Variants in CYP39A1 observed in about 807,000 individuals in gnomAD.
CYP39A1 encodes the protein 24-hydroxycholesterol 7-alpha-hydroxylase.
A neutral mutation model predicts 58.1 loss-of-function variants in CYP39A1; 49 were observed. That is an observed-to-expected ratio of 0.84 (90% CI 0.67 to 1.07). The LOEUF (loss-of-function observed/expected upper bound fraction) is 1.07, where lower values mean the gene tolerates loss of function less well. Ranked by LOEUF, CYP39A1 falls within the 50% of genes least tolerant of loss-of-function variation. CYP39A1 has a pLI of 0.00. For missense variants in CYP39A1, 531 were observed against 539.4 expected (o/e 0.98, Z 0.16); for synonymous variants, 209 against 187.6 (o/e 1.11, Z -0.93).
At chr6:46,577,853 C>CA in intron 10 of CYP39A1, among the ~76,000 whole-genome samples, 1 of 152,116 alleles carries the variant, frequency 6.6e-6, no homozygotes, top group Non-Finnish European at 1.5e-5. Flanking sequence ...AACACACTGA[C>CA]AGTGTCAGAC....
chr6:46,630,672 A>C (rs534210029), intron 6 of CYP39A1, among the ~76,000 whole-genome samples: 1 of 152,302 alleles, frequency 6.6e-6, no homozygotes, highest in Admixed American at 6.5e-5. Flanking sequence ...TGTTCCATAA[A>C]CAGATGTTGT....
intron 7 of CYP39A1, among the ~76,000 whole-genome samples, chr6:46,616,623 A>G (rs2150559851): frequency 6.6e-6 from 1 of 152,260 alleles, no homozygotes; most frequent in East Asian, 1.9e-4. Flanking sequence ...GAATGTAAGC[A>G]CCAAGAAAAA....
chr6:46,581,833 C>T (rs988405411), intron 10 of CYP39A1, among the ~76,000 whole-genome samples: 5 of 152,192 alleles, frequency 3.3e-5, no homozygotes, highest in African/African-American at 1.2e-4. Flanking sequence ...TTCTGTTCTT[C>T]TGTTCTTGAC....
At chr6:46,550,862 C>T (rs1012261886) in intron 11 of CYP39A1, among the ~76,000 whole-genome samples, 3 of 152,090 alleles carry the variant, frequency 2.0e-5, no homozygotes, top group Non-Finnish European at 2.9e-5. Context: ...CCACTTATAG[C>T]GTATTCATGA....
At chr6:46,635,493 C>A (rs905966697) in intron 5 of CYP39A1, among the ~76,000 whole-genome samples, 3 of 152,190 alleles carry the variant, frequency 2.0e-5, no homozygotes, top group African/African-American at 7.2e-5. Flanking sequence ...CATTAGCAAG[C>A]ATCTGAACCA....
chr6:46,583,341 T>C lies in CYP39A1; in HGVS notation c.1250+3736A>G, dbSNP rs572395613. 8.2e-5 allele frequency: 81 copies of C among 985,406 alleles called. 1 individual carries two copies. In the South Asian group the frequency reaches 3.4e-3, roughly 42 times the overall value. The allele number at this position is 985,406 out of a possible 1,614,324, so 61.0% of individuals were successfully genotyped here. A position where few individuals can be genotyped will look rare whatever the true frequency, so the allele number is the denominator to read the frequency against. ...GAATTAGAACCAAGGAAAATCAAGC[T>C]TGTTGGTTTTGGTGTGTGTTCCAGG... On this transcript the variant is annotated intron_variant, in intron 10 of 11. Coordinates refer to ENST00000275016, the MANE Select transcript of CYP39A1 (RefSeq NM_016593.5).
intron 10 of CYP39A1, among the ~76,000 whole-genome samples, chr6:46,570,267 A>AT (rs974390886): frequency 1.3e-5 from 2 of 152,036 alleles, no homozygotes; most frequent in African/African-American, 4.8e-5. Context: ...TCAAGACTTA[A>AT]TTTTTTAACT....
intron 2 of CYP39A1, among the ~76,000 whole-genome samples, chr6:46,641,723 T>C (rs1182079381): frequency 6.6e-6 from 1 of 152,162 alleles, no homozygotes; most frequent in East Asian, 1.9e-4. Context: ...AACAGCCCTA[T>C]AAAATTTGTC....
At chr6:46,650,357 T>C (rs1762601400) in intron 1 of CYP39A1, among the ~76,000 whole-genome samples, 2 of 137,936 alleles carry the variant, frequency 1.4e-5, no homozygotes, top group Admixed American at 1.5e-4. Context: ...GAATCTCCCC[T>C]GGCACCAAAG....
At chr6:46,599,445 A>AG (rs1259200823) in intron 7 of CYP39A1, among the ~76,000 whole-genome samples, 5 of 152,138 alleles carry the variant, frequency 3.3e-5, no homozygotes, top group African/African-American at 1.2e-4. Context: ...GCAAGTGACT[A>AG]GGTCAATCAA....
intron 10 of CYP39A1, among the ~76,000 whole-genome samples, chr6:46,554,795 T>C (rs1002645199): frequency 3.3e-5 from 5 of 152,110 alleles, no homozygotes; most frequent in Non-Finnish European, 7.4e-5. Flanking sequence ...CCATATCCAA[T>C]TAGGCACCAA....
chr6:46,589,664 T>C (rs1055065551), intron 8 of CYP39A1, among the ~76,000 whole-genome samples: 1 of 151,988 alleles, frequency 6.6e-6, no homozygotes, highest in Non-Finnish European at 1.5e-5. Flanking sequence ...TTCTATCATT[T>C]TAAAATAGAG....
chr6:46,556,194 C>A (rs1467356400), intron 10 of CYP39A1, among the ~76,000 whole-genome samples: 1 of 152,184 alleles, frequency 6.6e-6, no homozygotes, highest in African/African-American at 2.4e-5. Context: ...GGACAAAGAT[C>A]TCCAGAGGAA....
chr6:46,556,834 A>G (rs1210516143), intron 10 of CYP39A1, among the ~76,000 whole-genome samples: 1 of 152,190 alleles, frequency 6.6e-6, no homozygotes, highest in African/African-American at 2.4e-5. Flanking sequence ...CTTGCCATCT[A>G]TTCAAAAGTT....
intron 7 of CYP39A1, among the ~76,000 whole-genome samples, chr6:46,599,741 C>T (rs1288704303): frequency 9.2e-5 from 14 of 152,130 alleles, no homozygotes; most frequent in Admixed American, 9.2e-4. Flanking sequence ...CCCACAATAA[C>T]ATTTTTTGCC....
At chr6:46,597,419 A>C (rs1362680966) in intron 7 of CYP39A1, among the ~76,000 whole-genome samples, 2 of 152,162 alleles carry the variant, frequency 1.3e-5, no homozygotes, top group Non-Finnish European at 2.9e-5. Flanking sequence ...GATAGGGTTC[A>C]CAGCTAAGGT....
chr6:46,569,503 G>A (rs1771468550), intron 10 of CYP39A1, among the ~76,000 whole-genome samples: 1 of 151,902 alleles, frequency 6.6e-6, no homozygotes, highest in Non-Finnish European at 1.5e-5. Flanking sequence ...GTTAGCTGTG[G>A]GCTTGTCATA....
chr6:46,560,694 A>G (rs150252468), intron 10 of CYP39A1, among the ~76,000 whole-genome samples: 219 of 152,320 alleles, frequency 1.4e-3, no homozygotes, highest in African/African-American at 3.4e-3. Context: ...ATTTATAAAT[A>G]TAAGAGTCAT....
At chr6:46,615,761 CA>C (rs1161002931) in intron 7 of CYP39A1, among the ~76,000 whole-genome samples, 2 of 151,782 alleles carry the variant, frequency 1.3e-5, no homozygotes, top group African/African-American at 4.8e-5. Context: ...AAACATCTTC[CA>C]ACAGAAATGC....
Sources: allele counts gnomAD v4.1 joint callset (sites outside exome capture counted in the v4.1 genomes callset), GRCh38; gene constraint gnomAD v4.1.1; transcripts MANE v1.5; gene names NCBI Gene and HGNC (gene_info 2026-07-23, HGNC 2026-07-21).